The following MALRD1 variants were observed in gnomAD, a reference collection of about 807,000 sequenced individuals.
MALRD1 encodes MAM and LDL receptor class A domain containing 1.
MALRD1 carries 247 observed loss-of-function variants against 242.1 expected under a neutral mutation model. That is an observed-to-expected ratio of 1.02 (90% confidence interval 0.92 to 1.13). The LOEUF (loss-of-function observed/expected upper bound fraction) is 1.13. Among genes scored for constraint, MALRD1 ranks in the 50% most tolerant of loss-of-function variants. The pLI, the probability that MALRD1 is intolerant of heterozygous loss-of-function variation, is 0.00. For missense variants in MALRD1, 2,989 were observed against 2,533.1 expected (o/e 1.18, Z -3.86); for synonymous variants, 995 against 866.6 (o/e 1.15, Z -2.60).
chr10:19,317,676 A>G (rs966553174), intron 21 of MALRD1, among the ~76,000 whole-genome samples: 11 of 151,992 alleles, frequency 7.2e-5, no homozygotes, highest in African/African-American at 2.7e-4. Context: ...TTGCTCAAGA[A>G]TGGGTATTTT....
intron 19 of MALRD1, among the ~76,000 whole-genome samples, chr10:19,272,331 A>G (rs145577465): frequency 6.6e-6 from 1 of 152,218 alleles, no homozygotes; most frequent in Admixed American, 6.5e-5. Flanking sequence ...CTAGGAGAAT[A>G]TATTTGTCAT....
chr10:19,730,425 C>T, intron 38 of MALRD1: 1 of 445,726 alleles, frequency 2.2e-6, no homozygotes, highest in South Asian at 2.1e-5. Context: ...AAGAAATCAA[C>T]ATTAAGACTA....
chr10:19,612,755 G>A (rs1398190823), intron 35 of MALRD1, among the ~76,000 whole-genome samples: 1 of 151,974 alleles, frequency 6.6e-6, no homozygotes, highest in Non-Finnish European at 1.5e-5. Flanking sequence ...AGGAGAGAGA[G>A]AGAGAACGGG....
At chr10:19,056,574 A>G (rs993299689) in intron 1 of MALRD1, among the ~76,000 whole-genome samples, 4 of 151,908 alleles carry the variant, frequency 2.6e-5, no homozygotes, top group African/African-American at 9.7e-5. Flanking sequence ...ATTAGTTTTA[A>G]CAGTTTTTTG....
At chr10:19,679,993 A>T (rs185655715) in intron 36 of MALRD1, among the ~76,000 whole-genome samples, 271 of 152,060 alleles carry the variant, frequency 1.8e-3, no homozygotes, top group African/African-American at 6.2e-3. Flanking sequence ...TTCTAGTTTG[A>T]TTGTGCTGTT....
At chr10:19,537,071 T>G (rs1164773226) in intron 32 of MALRD1, among the ~76,000 whole-genome samples, 1 of 152,184 alleles carries the variant, frequency 6.6e-6, no homozygotes, top group Non-Finnish European at 1.5e-5. Context: ...AGGGCTGGCA[T>G]AGCTGGAACA....
At chr10:19,733,412 G>T (rs1339864760) in intron 39 of MALRD1, among the ~76,000 whole-genome samples, 1 of 152,120 alleles carries the variant, frequency 6.6e-6, no homozygotes, top group Non-Finnish European at 1.5e-5. Context: ...TTTTAAAAAT[G>T]TAACTGCAGG....
At chr10:19,108,393 T>A (rs1347705742) in intron 5 of MALRD1, among the ~76,000 whole-genome samples, 16 of 11,006 alleles carry the variant, frequency 1.5e-3, no homozygotes, top group East Asian at 3.0e-3. Context: ...TTTTCTTTTT[T>A]TTTTTTTTTT....
intron 38 of MALRD1, among the ~76,000 whole-genome samples, chr10:19,724,237 C>CT (rs1834909084): frequency 6.6e-6 from 1 of 152,142 alleles, no homozygotes; most frequent in African/African-American, 2.4e-5. Flanking sequence ...CACCAAGTGA[C>CT]TTACTGGTAA....
intron 17 of MALRD1, among the ~76,000 whole-genome samples, chr10:19,208,221 G>A (rs1337914779): frequency 1.3e-5 from 2 of 152,106 alleles, no homozygotes; most frequent in Non-Finnish European, 1.5e-5. Context: ...GGAAGTTGCA[G>A]CTCAAAGGAG....
chr10:19,476,811 A>G (rs958266320), intron 29 of MALRD1, among the ~76,000 whole-genome samples: 1 of 152,186 alleles, frequency 6.6e-6, no homozygotes, highest in South Asian at 2.1e-4. Context: ...TTCTCACACA[A>G]TGAACATAGA....
intron 5 of MALRD1, among the ~76,000 whole-genome samples, chr10:19,106,149 T>A (rs539200200): frequency 2.6e-5 from 4 of 152,050 alleles, no homozygotes; most frequent in African/African-American, 9.6e-5. Context: ...CTTTATATTC[T>A]CTTCCCACCC....
intron 33 of MALRD1, among the ~76,000 whole-genome samples, chr10:19,583,961 G>A (rs1193944459): frequency 2.0e-5 from 3 of 152,048 alleles, no homozygotes; most frequent in South Asian, 2.1e-4. Flanking sequence ...GGGAGAGTGT[G>A]TGTGTCGAGG....
chr10:19,183,261 C>A (rs554660883), intron 14 of MALRD1, among the ~76,000 whole-genome samples: 1 of 151,940 alleles, frequency 6.6e-6, no homozygotes, highest in South Asian at 2.1e-4. Context: ...GAGGTAAAGA[C>A]ACAGTGAAGA....
intron 28 of MALRD1, among the ~76,000 whole-genome samples, chr10:19,393,699 GC>G (rs1419598729): frequency 2.0e-5 from 3 of 150,178 alleles, no homozygotes; most frequent in African/African-American, 7.4e-5. Flanking sequence ...CTCGTGATCT[GC>G]CCACCTTGGC....
At chr10:19,428,220 C>G (rs1168553008) in intron 28 of MALRD1, among the ~76,000 whole-genome samples, 1 of 151,830 alleles carries the variant, frequency 6.6e-6, no homozygotes, top group Non-Finnish European at 1.5e-5. Flanking sequence ...ACCGAGATTT[C>G]ACGGCAAGCT....
chr10:19,709,857 A>T (rs1423888109), intron 38 of MALRD1, among the ~76,000 whole-genome samples: 1 of 152,244 alleles, frequency 6.6e-6, no homozygotes, highest in Non-Finnish European at 1.5e-5. Flanking sequence ...TGGTTAAAAC[A>T]ACAAAGTCTG....
chr10:19,071,967 G>A lies in MALRD1; in HGVS notation c.340+5108G>A, dbSNP rs187613491. 6.0e-4 allele frequency among the ~76,000 whole-genome samples: 92 copies of A among 152,258 alleles called. No homozygotes were observed. In the East Asian group the frequency reaches 0.014, roughly 23 times the overall value. On this transcript the variant is annotated intron_variant, in intron 2 of 39. Coordinates refer to ENST00000454679, the MANE Select transcript of MALRD1 (RefSeq NM_001142308.3). The stretch of plus-strand genomic sequence containing the variant: ...TCTTCCAGGACCTGAAGATATAAAA[G>A]TGAACAAGAATGCAGCTCTTGTCTG...
At chr10:19,223,108 T>A (rs1299193701) in intron 18 of MALRD1, among the ~76,000 whole-genome samples, 3 of 152,190 alleles carry the variant, frequency 2.0e-5, no homozygotes, top group Non-Finnish European at 4.4e-5. Flanking sequence ...AAGTGGCATA[T>A]TGACAATTTT....
Sources: allele counts gnomAD v4.1 joint callset (sites outside exome capture counted in the v4.1 genomes callset), GRCh38; gene constraint gnomAD v4.1.1; transcripts MANE v1.5; gene names NCBI Gene and HGNC (gene_info 2026-07-23, HGNC 2026-07-21).